The following TIAM1 variants were observed in gnomAD, a reference collection of about 807,000 sequenced individuals.
The protein encoded by TIAM1 is TIAM Rac1 associated GEF 1, also known as rho guanine nucleotide exchange factor TIAM1.
Under a neutral mutation model 163.5 loss-of-function variants are expected in TIAM1, and 65 were observed. The observed-to-expected ratio is 0.40, with a 90% confidence interval of 0.33 to 0.49. The LOEUF (loss-of-function observed/expected upper bound fraction) is 0.49, where lower values mean the gene tolerates loss of function less well. Among genes scored for constraint, TIAM1 ranks in the 20% least tolerant of loss-of-function variants. The pLI, the probability that TIAM1 is intolerant of heterozygous loss-of-function variation, is 0.77. For missense variants in TIAM1, 1,789 were observed against 2,044.7 expected (o/e 0.87, Z 2.41); for synonymous variants, 833 against 810.1 (o/e 1.03, Z -0.48).
intron 2 of TIAM1, among the ~76,000 whole-genome samples, chr21:31,316,313 T>C (rs757265936): frequency 6.6e-6 from 1 of 152,006 alleles, no homozygotes; most frequent in Non-Finnish European, 1.5e-5. Context: ...AATCGTATCG[T>C]TTTATCACTG....
upstream of TIAM1, chr21:31,559,038 G>C (rs947182420): frequency 6.6e-6 from 1 of 151,820 alleles, no homozygotes; most frequent in African/African-American, 2.4e-5. Flanking sequence ...CTGCGCGCCC[G>C]ACGGCGGCGG....
At chr21:31,192,963 G>A (rs2146485368) in intron 13 of TIAM1, among the ~76,000 whole-genome samples, 1 of 152,192 alleles carries the variant, frequency 6.6e-6, no homozygotes, top group South Asian at 2.1e-4. Context: ...TCACTGTTTC[G>A]AGCCACCGGG....
intron 1 of TIAM1, among the ~76,000 whole-genome samples, chr21:31,532,240 G>T (rs909473548): frequency 1.3e-5 from 2 of 152,180 alleles, no homozygotes; most frequent in Non-Finnish European, 2.9e-5. Flanking sequence ...GAGTGGAGGA[G>T]ATTACACAGA....
intron 2 of TIAM1, among the ~76,000 whole-genome samples, chr21:31,360,512 A>C (rs1028034500): frequency 3.3e-5 from 5 of 152,096 alleles, no homozygotes; most frequent in Admixed American, 1.3e-4. Flanking sequence ...TTTTAATAGG[A>C]TAGACATTAA....
rs963628260 is a variant in TIAM1, at chr21:31,183,501, G to GAA, written c.2663-858_2663-857dup. 1.5e-4 allele frequency among the ~76,000 whole-genome samples: 23 copies of GAA among 152,108 alleles called. 1 individual carries two copies. The highest frequency in any genetic ancestry group is 9.8e-4 in the Admixed American group (15 of 15,274). ...ATTTCTAATTTTATACACCAATATG[G>GAA]AAAAACCAACTTGAAAAAGGGAGTG... On this transcript the variant is annotated intron_variant, in intron 14 of 27. Coordinates refer to ENST00000541036, the MANE Select transcript of TIAM1 (RefSeq NM_001353694.2).
At chr21:31,157,744 C>G (rs1829908681) in intron 16 of TIAM1, among the ~76,000 whole-genome samples, 1 of 152,124 alleles carries the variant, frequency 6.6e-6, no homozygotes, top group Non-Finnish European at 1.5e-5. Context: ...ATTTAACATG[C>G]AAATTCCACG....
chr21:31,343,083 T>A (rs1369361889), intron 1 of TIAM1, among the ~76,000 whole-genome samples: 1 of 152,220 alleles, frequency 6.6e-6, no homozygotes, highest in African/African-American at 2.4e-5. Context: ...CACCTTCATT[T>A]CTTCCCCTCA....
chr21:31,151,467 G>C (rs143533520), intron 19 of TIAM1, among the ~76,000 whole-genome samples: 1 of 152,088 alleles, frequency 6.6e-6, no homozygotes, highest in Admixed American at 6.5e-5. Context: ...CCAGAAAAAC[G>C]GGTACTTGGT....
chr21:31,355,950 C>CT (rs1602082647), intron 2 of TIAM1, among the ~76,000 whole-genome samples: 1 of 152,168 alleles, frequency 6.6e-6, no homozygotes, highest in East Asian at 1.9e-4. Flanking sequence ...AGAGCAGGCA[C>CT]TTTTATCCAT....
intron 1 of TIAM1, among the ~76,000 whole-genome samples, chr21:31,514,770 C>T (rs560293204): frequency 6.6e-6 from 1 of 152,336 alleles, no homozygotes; most frequent in South Asian, 2.1e-4. Flanking sequence ...GCAGAGTGCA[C>T]GCCTGGAGGT....
At chr21:31,546,990 G>A (rs2048521335) in intron 1 of TIAM1, among the ~76,000 whole-genome samples, 1 of 152,012 alleles carries the variant, frequency 6.6e-6, no homozygotes, top group African/African-American at 2.4e-5. Flanking sequence ...TTGTAATAAA[G>A]ATAAGGTCCA....
At chr21:31,341,229 C>A (rs2076007618) in intron 1 of TIAM1, among the ~76,000 whole-genome samples, 1 of 152,140 alleles carries the variant, frequency 6.6e-6, no homozygotes, top group Admixed American at 6.5e-5. Flanking sequence ...GCTGAATTCA[C>A]AGTGCAATTT....
intron 1 of TIAM1, among the ~76,000 whole-genome samples, chr21:31,476,662 C>T (rs1389442638): frequency 3.3e-5 from 5 of 152,136 alleles, no homozygotes; most frequent in South Asian, 2.1e-4. Flanking sequence ...TTTGCAAAAT[C>T]GATCCATGCA....
Position 31,154,431 on chromosome 21 carries a change from G to A in TIAM1, c.2992-5C>T, listed in dbSNP as rs776686706. The A allele has an allele frequency of 4.6e-5, 74 of 1,610,318 alleles. No individual in the cohort carries two copies. Among genetic ancestry groups the A allele is most frequent in the East Asian group, 1.3e-4 (6 of 44,816 alleles). ...TGCGGCCACCTGTTCTGTACTCTTC[G>A]GAGCACAGGGGGGAAGGGAAGGCAG... On this transcript the variant is annotated splice_polypyrimidine_tract_variant and splice_region_variant and intron_variant, in intron 16 of 27. Coordinates refer to ENST00000541036, the MANE Select transcript of TIAM1 (RefSeq NM_001353694.2).
At chr21:31,289,146 TAAG>T (rs1001010554) in intron 2 of TIAM1, among the ~76,000 whole-genome samples, 15 of 152,304 alleles carry the variant, frequency 9.8e-5, no homozygotes, top group Non-Finnish European at 1.5e-4. Flanking sequence ...GTGTATAAAA[TAAG>T]AAGTCAATAG....
At chr21:31,491,063 G>T (rs985082106) in intron 1 of TIAM1, among the ~76,000 whole-genome samples, 3 of 152,210 alleles carry the variant, frequency 2.0e-5, no homozygotes, top group Non-Finnish European at 4.4e-5. Flanking sequence ...CTAGGGAGTC[G>T]GAGGTTGCCG....
At chr21:31,317,517 C>T (rs921356815) in intron 2 of TIAM1, among the ~76,000 whole-genome samples, 8 of 147,730 alleles carry the variant, frequency 5.4e-5, no homozygotes, top group South Asian at 2.2e-4. Context: ...CGGCGGCTCA[C>T]GCCTGTAATC....
chr21:31,419,236 C>T (rs1173608216), intron 2 of TIAM1, among the ~76,000 whole-genome samples: 1 of 152,218 alleles, frequency 6.6e-6, no homozygotes. Flanking sequence ...ATTGCTAATT[C>T]TCTTCAGCTG....
chr21:31,429,291 C>T (rs1325297438), intron 2 of TIAM1, among the ~76,000 whole-genome samples: 4 of 152,138 alleles, frequency 2.6e-5, no homozygotes, highest in South Asian at 4.1e-4. Flanking sequence ...GGATTGCAGA[C>T]GTAAGCCACA....
Sources: allele counts gnomAD v4.1 joint callset (sites outside exome capture counted in the v4.1 genomes callset), GRCh38; gene constraint gnomAD v4.1.1; transcripts MANE v1.5; gene names NCBI Gene and HGNC (gene_info 2026-07-23, HGNC 2026-07-21).